Variants in HLTF observed in about 807,000 individuals in gnomAD.
HLTF encodes the protein helicase like transcription factor.
In HLTF, 127 loss-of-function variants were observed where a neutral mutation model predicts 129.4. That is an observed-to-expected ratio of 0.98 (90% CI 0.85 to 1.14). The LOEUF (loss-of-function observed/expected upper bound fraction) is 1.14, where lower values mean the gene tolerates loss of function less well. Among genes scored for constraint, HLTF ranks in the 50% most tolerant of loss-of-function variants. The probability of loss-of-function intolerance (pLI) is 0.00; values close to 1 mark genes in which losing one functional copy is unlikely to be tolerated. For missense variants in HLTF, 1,139 were observed against 1,187.1 expected, an observed-to-expected ratio of 0.96 and a Z score of 0.60; for synonymous variants, 332 against 388.8, an observed-to-expected ratio of 0.85 and a Z score of 1.72.
chr3:149,081,387 TAAAGATTA>T (rs1719864763), intron 2 of HLTF, among the ~76,000 whole-genome samples: 2 of 151,982 alleles, frequency 1.3e-5, no homozygotes, highest in African/African-American at 4.8e-5. Flanking sequence ...TTAACACGTT[TAAAGATTA>T]AAAGATTAAA....
At chr3:149,072,600 C>A (rs1330899403) in intron 5 of HLTF, among the ~76,000 whole-genome samples, 1 of 152,006 alleles carries the variant, frequency 6.6e-6, no homozygotes, top group Admixed American at 6.6e-5. Flanking sequence ...AGAAATCAGG[C>A]CAGGTCTAAA....
chr3:149,051,083 G>C (rs1381675132), intron 14 of HLTF, among the ~76,000 whole-genome samples: 1 of 151,970 alleles, frequency 6.6e-6, no homozygotes, highest in African/African-American at 2.4e-5. Flanking sequence ...GGAACAGGGT[G>C]GAAAGGACAG....
At chr3:149,037,104 A>G (rs1715702353) in intron 23 of HLTF, among the ~76,000 whole-genome samples, 2 of 152,188 alleles carry the variant, frequency 1.3e-5, no homozygotes, top group Admixed American at 6.5e-5. Context: ...ATAGTTACAA[A>G]TATTTTTTAT....
At chr3:149,039,889 A>G (rs940392828) in intron 21 of HLTF, 142 bp downstream of exon 21, 4 of 769,104 alleles carry the variant, frequency 5.2e-6, no homozygotes, top group South Asian at 4.2e-5. Context: ...CAAATTCACC[A>G]CTAAAAATAA....
At position 149,086,451 on chromosome 3, in the gene HLTF, C is replaced by A. The variant is rs987678753; in HGVS notation, c.-115G>T. 3.1e-6 allele frequency: 4 copies of A among 1,275,392 alleles called. No homozygotes were observed. The Admixed American group carries it at 6.4e-5, about 20-fold the overall frequency. The allele number at this position is 1,275,392 out of a possible 1,614,324, so 79.0% of individuals were successfully genotyped here. Reference sequence around the variant, plus strand: ...CCTGAAGCCGGGGACAAATTCCGAGCGCCGGATCAGGAGCGCACGACTGAA... The same window carrying A: ...CCTGAAGCCGGGGACAAATTCCGAGAGCCGGATCAGGAGCGCACGACTGAA... On this transcript the variant is annotated 5_prime_UTR_variant, in exon 1 of 25. Coordinates refer to ENST00000310053, the MANE Select transcript of HLTF (RefSeq NM_003071.4).
intron 9 of HLTF, 35 bp downstream of exon 9, chr3:149,064,756 A>G: frequency 8.1e-7 from 1 of 1,237,304 alleles, no homozygotes; most frequent in South Asian, 1.2e-5. Flanking sequence ...AGTTTACCAG[A>G]TCAAATATTG....
In HLTF at chr3:149,050,388, T is replaced by A. The variant is rs1034078210; in HGVS notation, c.1474-13A>T. 1 of 1,536,410 alleles carries A rather than the reference T, an allele frequency of 6.5e-7. No individual in the cohort carries two copies. Among genetic ancestry groups the A allele is most frequent in the African/African-American group, 1.4e-5 (1 of 71,980 alleles). On this transcript the variant is annotated splice_polypyrimidine_tract_variant and intron_variant, in intron 14 of 24. Coordinates refer to ENST00000310053, the MANE Select transcript of HLTF (RefSeq NM_003071.4). ...GTCCAAACTGGTCCTAAAGAAAAAT[T>A]AGGAATATTTTTAACAATGAGCAGA...
At chr3:149,068,431 T>C in intron 7 of HLTF, 96 bp from the exon 8 acceptor site, 1 of 605,926 alleles carries the variant, frequency 1.7e-6, no homozygotes, top group Non-Finnish European at 2.9e-6. Flanking sequence ...GAATATCAAA[T>C]ATCATTCAAG....
chr3:149,055,885 G>A (rs533955813), intron 13 of HLTF, among the ~76,000 whole-genome samples: 6 of 152,296 alleles, frequency 3.9e-5, no homozygotes, highest in South Asian at 2.1e-4. Flanking sequence ...AGAAGTTTCC[G>A]TATTGGGTGT....
At position 149,064,811 on chromosome 3, in the gene HLTF, T is replaced by C. The variant is rs1276787633; in HGVS notation, c.1046A>G (p.Lys349Arg). The change falls in exon 9 of 25, where the codon AAG (lysine) becomes AGG (arginine). Residue 349 changes from lysine to arginine, a missense_variant. Coordinates refer to ENST00000310053, the MANE Select transcript of HLTF (RefSeq NM_003071.4). Reference sequence around the variant, plus strand: ...TTTACCTTTGCTTAGTCCATCTGCCTTTTCACTGGTATTGTTTCCTCCAAG... The same window carrying C: ...TTTACCTTTGCTTAGTCCATCTGCCCTTTCACTGGTATTGTTTCCTCCAAG... ...MKLGGNNTSE[K>R]ADGLSKDASR... 6.3e-7 allele frequency: 1 copy of C among 1,594,092 alleles called. No individual in the cohort carries two copies. Among genetic ancestry groups the C allele is most frequent in the African/African-American group, 1.3e-5 (1 of 74,614 alleles).
Position 149,049,176 on chromosome 3 carries a change from T to C in HLTF, c.1618-175A>G, listed in dbSNP as rs568270309. Among the ~76,000 whole-genome samples the C allele has an allele frequency of 6.6e-5, 10 of 152,342 alleles. No individual in the cohort carries two copies. The East Asian group carries it at 1.9e-3, about 29-fold the overall frequency. On this transcript the variant is annotated intron_variant, in intron 15 of 24. Transcript: ENST00000310053. ...ACAAGTTTATAAAATAAGTACTTAT[T>C]AGCACACCTAATTTTACAGATAAGA...
At chr3:149,053,805 C>G (rs1268507558) in intron 14 of HLTF, among the ~76,000 whole-genome samples, 1 of 152,102 alleles carries the variant, frequency 6.6e-6, no homozygotes, top group Non-Finnish European at 1.5e-5. Context: ...CATCTCTATA[C>G]CCCAAGCCCT....
chr3:149,075,315 G>A (rs538741607), intron 3 of HLTF, among the ~76,000 whole-genome samples: 7 of 152,266 alleles, frequency 4.6e-5, no homozygotes, highest in Non-Finnish European at 8.8e-5. Flanking sequence ...TTGGGAGGCC[G>A]AGGCGGGCAG....
At chr3:149,067,975 G>A (rs879322472) in intron 8 of HLTF, among the ~76,000 whole-genome samples, 1 of 152,002 alleles carries the variant, frequency 6.6e-6, no homozygotes. Context: ...GAAATCCCAC[G>A]ACTTGAGCCT....
At position 149,074,092 on chromosome 3, in the gene HLTF, A is replaced by G. The variant is rs909237917; in HGVS notation, c.529+123T>C. 3 of 900,698 alleles carry G rather than the reference A, an allele frequency of 3.3e-6. No individual in the cohort carries two copies. The African/African-American group carries it at 5.0e-5, about 15-fold the overall frequency. The allele number at this position is 900,698 out of a possible 1,614,324, so 55.8% of individuals were successfully genotyped here. A position where few individuals can be genotyped will look rare whatever the true frequency, so the allele number is the denominator to read the frequency against. ...GAGATTTCCTCAAAAAGACTCCTGAAAAAAAGTTGTACCTTGGAGCCTTGA... is the reference window on the plus strand; with the variant it reads ...GAGATTTCCTCAAAAAGACTCCTGAGAAAAAGTTGTACCTTGGAGCCTTGA... On this transcript the variant is annotated intron_variant, in intron 4 of 24. Coordinates refer to ENST00000310053, the MANE Select transcript of HLTF (RefSeq NM_003071.4).
intron 14 of HLTF, among the ~76,000 whole-genome samples, chr3:149,054,007 C>T (rs1329166436): frequency 2.0e-5 from 3 of 152,024 alleles, no homozygotes; most frequent in African/African-American, 7.3e-5. Context: ...AAAAATGATA[C>T]ACTTATCAGG....
At chr3:149,058,975 C>T (rs915604318) in intron 13 of HLTF, among the ~76,000 whole-genome samples, 48 of 152,252 alleles carry the variant, frequency 3.2e-4, no homozygotes, top group African/African-American at 1.1e-3. Context: ...TTTTCTATTC[C>T]TAATTATCTG....
intron 19 of HLTF, 100 bp downstream of exon 19, chr3:149,042,066 A>G: frequency 9.6e-7 from 1 of 1,046,862 alleles, no homozygotes; most frequent in Non-Finnish European, 1.4e-6. Flanking sequence ...CATTTGACAG[A>G]ACAAAATAAA....
chr3:149,035,354 T>A (rs1271504869), intron 23 of HLTF, among the ~76,000 whole-genome samples: 1 of 152,088 alleles, frequency 6.6e-6, no homozygotes, highest in Non-Finnish European at 1.5e-5. Context: ...ATGACTTAAT[T>A]TATATGAGAA....
Sources: gnomAD v4.1 joint callset for allele counts (sites outside exome capture counted in the v4.1 genomes callset) on GRCh38, gnomAD v4.1.1 for gene constraint, MANE v1.5 for transcripts, NCBI Gene and HGNC (gene_info 2026-07-23, HGNC 2026-07-21) for gene names.